The following PRKCB variants were observed in gnomAD, a reference collection of about 807,000 sequenced individuals.
PRKCB encodes protein kinase C beta type.
Under a neutral mutation model 81.5 loss-of-function variants are expected in PRKCB, and 13 were observed. That is an observed-to-expected ratio of 0.16 (90% CI 0.10 to 0.25). The LOEUF (loss-of-function observed/expected upper bound fraction) is 0.25, where lower values mean the gene tolerates loss of function less well. Ranked by LOEUF, PRKCB falls within the 10% of genes least tolerant of loss-of-function variation. The pLI is 1.00. For missense variants in PRKCB, 509 were observed against 875.7 expected, an observed-to-expected ratio of 0.58 and a Z score of 5.29; for synonymous variants, 335 against 321.4, an observed-to-expected ratio of 1.04 and a Z score of -0.45.
chr16:24,036,629 T>C (rs1202765051), intron 5 of PRKCB, among the ~76,000 whole-genome samples: 4 of 152,198 alleles, frequency 2.6e-5, no homozygotes, highest in Non-Finnish European at 5.9e-5. Context: ...TACTTATCCC[T>C]GTACAATATA....
chr16:24,057,616 G>C (rs1338425346), intron 5 of PRKCB, among the ~76,000 whole-genome samples: 1 of 152,186 alleles, frequency 6.6e-6, no homozygotes, highest in African/African-American at 2.4e-5. Context: ...TAAAAGGGGG[G>C]ATTGGTGAAG....
At chr16:23,914,049 C>A (rs1212605813) in intron 2 of PRKCB, among the ~76,000 whole-genome samples, 1 of 152,048 alleles carries the variant, frequency 6.6e-6, no homozygotes, top group African/African-American at 2.4e-5. Flanking sequence ...GTTGCCCAGG[C>A]TGGAGTGCAG....
At chr16:24,033,897 C>T (rs1053117117) in intron 4 of PRKCB, among the ~76,000 whole-genome samples, 7 of 151,660 alleles carry the variant, frequency 4.6e-5, no homozygotes, top group Admixed American at 2.6e-4. Flanking sequence ...CAGAGAGACA[C>T]GGAGGAGAGA....
intron 2 of PRKCB, among the ~76,000 whole-genome samples, chr16:23,964,523 CAT>C (rs1417385923): frequency 1.3e-5 from 2 of 152,156 alleles, no homozygotes; most frequent in Non-Finnish European, 2.9e-5. Flanking sequence ...AGGTTAAATA[CAT>C]GTTTGGAACT....
intron 2 of PRKCB, among the ~76,000 whole-genome samples, chr16:23,962,309 G>A (rs1964437215): frequency 6.6e-6 from 1 of 152,082 alleles, no homozygotes; most frequent in African/African-American, 2.4e-5. Flanking sequence ...TTTGTCAGTG[G>A]TGCCAGTTGG....
At chr16:24,077,543 C>A (rs1231035391) in intron 5 of PRKCB, among the ~76,000 whole-genome samples, 1 of 152,114 alleles carries the variant, frequency 6.6e-6, no homozygotes, top group Non-Finnish European at 1.5e-5. Context: ...TCCATACATT[C>A]ATTCATCTGT....
intron 7 of PRKCB, among the ~76,000 whole-genome samples, chr16:24,096,154 G>A (rs1286730764): frequency 6.6e-6 from 1 of 152,194 alleles, no homozygotes; most frequent in South Asian, 2.1e-4. Context: ...AAATTAGTTG[G>A]GTGTGCTGGC....
chr16:24,109,818 T>G (rs1486197268), intron 7 of PRKCB, among the ~76,000 whole-genome samples: 1 of 133,570 alleles, frequency 7.5e-6, no homozygotes, highest in Non-Finnish European at 1.5e-5. Flanking sequence ...CTGGGCACCA[T>G]TGAGCACTGA....
At chr16:24,130,409 T>C (rs1050874746) in intron 9 of PRKCB, among the ~76,000 whole-genome samples, 1 of 152,124 alleles carries the variant, frequency 6.6e-6, no homozygotes, top group Admixed American at 6.6e-5. Flanking sequence ...TTAAGTTAAC[T>C]ATGCAAAGAG....
intron 9 of PRKCB, among the ~76,000 whole-genome samples, chr16:24,146,709 G>C (rs1177636871): frequency 6.6e-6 from 1 of 152,176 alleles, no homozygotes. Context: ...TGTCATCAGA[G>C]TTCTGCTATT....
intron 8 of PRKCB, among the ~76,000 whole-genome samples, chr16:24,115,318 T>C (rs1966724841): frequency 6.9e-6 from 1 of 144,304 alleles, no homozygotes; most frequent in Non-Finnish European, 1.6e-5. Flanking sequence ...CCCAAAAGTA[T>C]TTATCCCAAT....
intron 3 of PRKCB, among the ~76,000 whole-genome samples, chr16:24,030,334 G>A (rs1324823704): frequency 6.6e-6 from 1 of 152,128 alleles, no homozygotes; most frequent in Non-Finnish European, 1.5e-5. Context: ...GTCTGTTTGG[G>A]AGCGGGGGTG....
intron 5 of PRKCB, among the ~76,000 whole-genome samples, chr16:24,067,741 T>A (rs12919049): frequency 0.17 from 26,088 of 151,932 alleles, 2,670 homozygotes; most frequent in Middle Eastern, 0.27. Flanking sequence ...ACAAGGTGGG[T>A]GGATCATCTG....
At chr16:24,001,789 T>A (rs555702824) in intron 3 of PRKCB, among the ~76,000 whole-genome samples, 3 of 152,104 alleles carry the variant, frequency 2.0e-5, no homozygotes, top group Non-Finnish European at 2.9e-5. Flanking sequence ...ACCTTTACAA[T>A]TTTTTTTAAA....
chr16:24,090,867 G>A (rs938449297), intron 5 of PRKCB, among the ~76,000 whole-genome samples: 1 of 151,852 alleles, frequency 6.6e-6, no homozygotes, highest in East Asian at 1.9e-4. Flanking sequence ...GGAAATGAGG[G>A]GGTGCTTTCT....
intron 2 of PRKCB, chr16:23,869,183 C>T: frequency 2.2e-6 from 1 of 451,234 alleles, no homozygotes; most frequent in Non-Finnish European, 4.4e-6. Flanking sequence ...ACAATCTACT[C>T]TACATTTAAA....
In PRKCB at chr16:24,049,594, G is replaced by A. The variant is rs116460083; in HGVS notation, c.529+14047G>A. 5.0e-3 allele frequency among the ~76,000 whole-genome samples: 759 copies of A among 152,178 alleles called. 4 individuals are homozygous for A. Among genetic ancestry groups the A allele is most frequent in the African/African-American group, 0.017 (723 of 41,502 alleles). ...CTTAACCACTACTCTAGCATCATCC[G>A]GGACCTGCACCCTTAACTACTACCC... is the stretch of plus-strand genomic sequence containing the variant. On this transcript the variant is annotated intron_variant, in intron 5 of 16. Transcript: ENST00000643927.
intron 2 of PRKCB, among the ~76,000 whole-genome samples, chr16:23,979,010 T>C (rs552778956): frequency 6.6e-6 from 1 of 152,258 alleles, no homozygotes; most frequent in Admixed American, 6.5e-5. Flanking sequence ...AGAAGGTGAT[T>C]TTTCCAGGAG....
intron 10 of PRKCB, among the ~76,000 whole-genome samples, chr16:24,160,354 G>A (rs1047412142): frequency 1.4e-4 from 22 of 152,182 alleles, no homozygotes; most frequent in African/African-American, 4.3e-4. Context: ...AAAATGAGCA[G>A]GAAGGTGACA....
Sources: gnomAD v4.1 joint callset for allele counts (sites outside exome capture counted in the v4.1 genomes callset) on GRCh38, gnomAD v4.1.1 for gene constraint, MANE v1.5 for transcripts, NCBI Gene and HGNC (gene_info 2026-07-23, HGNC 2026-07-21) for gene names.